ASAP3: variants seen among roughly 807,000 people sequenced by gnomAD.
ASAP3 encodes ArfGAP with SH3 domain, ankyrin repeat and PH domain 3.
A neutral mutation model predicts 118.2 loss-of-function variants in ASAP3; 85 were observed. The observed-to-expected ratio is 0.72, with a 90% CI of 0.60 to 0.86. ASAP3 has a LOEUF of 0.86. Ranked by LOEUF, ASAP3 falls within the 40% of genes least tolerant of loss-of-function variation. The probability of loss-of-function intolerance (pLI) is 0.00; values close to 1 mark genes in which losing one functional copy is unlikely to be tolerated. For missense variants in ASAP3, 1,026 were observed against 1,175.0 expected (o/e 0.87, Z 1.85); for synonymous variants, 432 against 477.4 (o/e 0.90, Z 1.24).
chr1:23,453,517 A>G (rs1641290820), intron 3 of ASAP3, among the ~76,000 whole-genome samples: 1 of 152,058 alleles, frequency 6.6e-6, no homozygotes. Context: ...CAGAGAAACT[A>G]CCTTAAGAGG....
intron 1 of ASAP3, chr1:23,480,149 G>C (rs1277349981): frequency 6.6e-6 from 1 of 152,154 alleles, no homozygotes; most frequent in African/African-American, 2.4e-5. Flanking sequence ...GTGACAGAGT[G>C]AGACCCTGTC....
At chr1:23,455,808 C>T (rs1641362646) in intron 3 of ASAP3, 73 bp downstream of exon 3, 1 of 1,579,956 alleles carries the variant, frequency 6.3e-7, no homozygotes, top group African/African-American at 1.4e-5. Context: ...AGGAAACGGA[C>T]CCTTTCCCAG....
Position 23,438,895 on chromosome 1 carries a change from C to A in ASAP3, c.1015-61G>T. 6.6e-7 allele frequency: 1 copy of A among 1,504,974 alleles called. No individual in the cohort carries two copies. The highest frequency in any genetic ancestry group is 9.2e-7 in the Non-Finnish European group (1 of 1,082,850). 93.2% of individuals were successfully genotyped at this position (1,504,974 alleles called of 1,614,324 possible). A position where few individuals can be genotyped will look rare whatever the true frequency, so the allele number is the denominator to read the frequency against. ...CCTCTGGCCCTCCACATTCTTTAGG[C>A]CTCCATTTCCCACTCTGTTAAATGG... On this transcript the variant is annotated intron_variant, in intron 11 of 24. Coordinates refer to ENST00000336689, the MANE Select transcript of ASAP3 (RefSeq NM_017707.4). The surrounding 1 kb of genome is among the most constrained non-coding windows in gnomAD (Gnocchi z 4.9).
chr1:23,429,943 G>A lies in ASAP3; in HGVS notation c.2638-13C>T, dbSNP rs753128918. On this transcript the variant is annotated splice_polypyrimidine_tract_variant and intron_variant, in intron 24 of 24. Transcript: ENST00000336689. Reference sequence around the variant, plus strand: ...CAGTGATGCCAACCTGCAGAAAGAAGGATGAAACTGACATTTTCAAAGCAC... The same window carrying A: ...CAGTGATGCCAACCTGCAGAAAGAAAGATGAAACTGACATTTTCAAAGCAC... The A allele has an allele frequency of 3.1e-6, 5 of 1,612,258 alleles. No individual in the cohort carries two copies. In the East Asian group the frequency reaches 1.1e-4, roughly 36 times the overall value.
chr1:23,472,069 G>C (rs571064112), intron 1 of ASAP3, among the ~76,000 whole-genome samples: 1 of 152,128 alleles, frequency 6.6e-6, no homozygotes, highest in African/African-American at 2.4e-5. Flanking sequence ...GAAAGTTGTC[G>C]GGGGCCGGGG....
At chr1:23,467,951 CA>C (rs573411297) in intron 1 of ASAP3, among the ~76,000 whole-genome samples, 658 of 52,420 alleles carry the variant, frequency 0.013, no homozygotes, top group Non-Finnish European at 0.018. Flanking sequence ...GACTCCGTCT[CA>C]AAAAAAAAAA....
chr1:23,451,668 C>T (rs372261123), intron 4 of ASAP3, 140 bp from the exon 5 acceptor site: 1 of 898,102 alleles, frequency 1.1e-6, no homozygotes, highest in South Asian at 1.5e-5. Flanking sequence ...CCCCTGCCCC[C>T]ACAGTCCTGC....
In ASAP3 at chr1:23,433,182, C is replaced by T; in HGVS notation, c.2218G>A (p.Gly740Arg). 1.2e-6 allele frequency: 2 copies of T among 1,614,160 alleles called. No homozygotes were observed. The highest frequency in any genetic ancestry group is 1.7e-6 in the Non-Finnish European group (2 of 1,180,030). Residue 740 changes from glycine (G) to arginine (R), a missense_variant, in exon 22 of 25, where the codon GGA (glycine) becomes AGA (arginine). By Grantham distance (125) the Gly-to-Arg change is moderately radical. Coordinates refer to ENST00000336689, the MANE Select transcript of ASAP3 (RefSeq NM_017707.4). ...NKTYETVASL[G>R]AATPQGESED... ...CTCTCGCCCTGAGGGGTGGCTGCTC[C>T]CAGGCTGGCGACAGTCTCATAGGTC...
intron 1 of ASAP3, 31 bp downstream of exon 1, chr1:23,483,973 AC>A (rs1378073330): frequency 1.9e-5 from 24 of 1,252,118 alleles, no homozygotes; most frequent in South Asian, 6.1e-5. Flanking sequence ...CCCGGCGCCG[AC>A]CCCCGACCCC....
Position 23,436,521 on chromosome 1 carries a change from C to T in ASAP3, c.1571+39G>A. ...CCCTGGACACTGCGGAGGCAGAATC[C>T]CCTAGGCAGGGTGCCCCTCTCTCTG... On this transcript the variant is annotated intron_variant, in intron 16 of 24. Transcript: ENST00000336689. The surrounding 1 kb of genome is among the most constrained non-coding windows in gnomAD (Gnocchi z 4.2). 1.9e-6 allele frequency: 3 copies of T among 1,606,224 alleles called. No homozygotes were observed. The highest frequency in any genetic ancestry group is 1.7e-6 in the Non-Finnish European group (2 of 1,172,852).
At position 23,473,974 on chromosome 1, in the gene ASAP3, CTTTTTTT is replaced by C. The variant is rs10664798; in HGVS notation, c.129+10024_129+10030del. 8.6e-4 allele frequency among the ~76,000 whole-genome samples: 62 copies of C among 72,110 alleles called. 3 individuals are homozygous for C. Among genetic ancestry groups the C allele is most frequent in the African/African-American group, 3.2e-3 (47 of 14,718 alleles). 47.3% of individuals were successfully genotyped at this position (72,110 alleles called of 152,430 possible). On this transcript the variant is annotated intron_variant, in intron 1 of 24. Transcript: ENST00000336689. ...AGGCGAAAATGGCATTAAATCTGCT[CTTTTTTT>C]TTTTTTTTTTTTTTTTTGAGATGGA...
chr1:23,484,244 C>T, upstream of ASAP3: 1 of 1,045,038 alleles, frequency 9.6e-7, no homozygotes, highest in Non-Finnish European at 1.2e-6. Context: ...TCCACACGCC[C>T]CGCCCCTCCG....
intron 1 of ASAP3, among the ~76,000 whole-genome samples, chr1:23,456,642 G>A (rs1244426517): frequency 6.6e-6 from 1 of 152,180 alleles, no homozygotes; most frequent in Non-Finnish European, 1.5e-5. Context: ...TTGTAAATAT[G>A]TACAAAATGC....
At chr1:23,448,085 TTC>T (rs1326920234) in intron 5 of ASAP3, among the ~76,000 whole-genome samples, 3 of 152,246 alleles carry the variant, frequency 2.0e-5, no homozygotes, top group Non-Finnish European at 4.4e-5. Context: ...AGAAACATTT[TTC>T]TGTCTTATGA....
chr1:23,461,291 G>A (rs1170027426), intron 1 of ASAP3, among the ~76,000 whole-genome samples: 1 of 152,050 alleles, frequency 6.6e-6, no homozygotes, highest in Non-Finnish European at 1.5e-5. Flanking sequence ...GAGGCTGTGT[G>A]TATATGGTAA....
At chr1:23,456,450 T>C (rs1383633763) in intron 1 of ASAP3, among the ~76,000 whole-genome samples, 1 of 152,040 alleles carries the variant, frequency 6.6e-6, no homozygotes, top group Non-Finnish European at 1.5e-5. Context: ...GCAGCGTAAA[T>C]GTAGTGAGTC....
chr1:23,467,795 C>T (rs1174909705), intron 1 of ASAP3, among the ~76,000 whole-genome samples: 1 of 150,944 alleles, frequency 6.6e-6, no homozygotes, highest in Admixed American at 6.6e-5. Flanking sequence ...ACTAAAAATA[C>T]AAAAAAAATT....
chr1:23,429,778 G>T lies in ASAP3; in HGVS notation c.*78C>A. 7.1e-7 allele frequency: 1 copy of T among 1,414,616 alleles called. No individual in the cohort carries two copies. The highest frequency in any genetic ancestry group is 9.8e-7 in the Non-Finnish European group (1 of 1,024,516). 87.6% of individuals were successfully genotyped at this position (1,414,616 alleles called of 1,614,324 possible). A position where few individuals can be genotyped will look rare whatever the true frequency, so the allele number is the denominator to read the frequency against. On this transcript the variant is annotated 3_prime_UTR_variant, in exon 25 of 25. Transcript: ENST00000336689. ...GAGATCCAAGAGAACAAATGTCTCA[G>T]CTCCCCAGTTTTGTGAGCTCAAGTC...
chr1:23,449,761 C>T, intron 5 of ASAP3, among the ~76,000 whole-genome samples: 1 of 152,178 alleles, frequency 6.6e-6, no homozygotes, highest in Non-Finnish European at 1.5e-5. Context: ...AGCCAAGCCC[C>T]CTTTCCCATC....
Sources: gnomAD v4.1 joint callset for allele counts (sites outside exome capture counted in the v4.1 genomes callset) on GRCh38, gnomAD v4.1.1 for gene constraint, Gnocchi (gnomAD v3.1) non-coding constraint, MANE v1.5 for transcripts, NCBI Gene and HGNC (gene_info 2026-07-23, HGNC 2026-07-21) for gene names.